The following RYR2 variants were observed in gnomAD, a reference collection of about 807,000 sequenced individuals.
RYR2 encodes the protein ryanodine receptor 2.
Under a neutral mutation model 601.1 loss-of-function variants are expected in RYR2, and 227 were observed. The ratio of observed to expected loss-of-function variants is 0.38; its 90% CI spans 0.34 to 0.42. RYR2 has a LOEUF of 0.42. Among genes scored for constraint, RYR2 ranks in the 10% least tolerant of loss-of-function variants. RYR2 has a pLI of 1.00. For missense variants in RYR2, 4,646 were observed against 6,156.5 expected, an observed-to-expected ratio of 0.75 and a Z score of 8.21; for synonymous variants, 2,223 against 2,175.1, an observed-to-expected ratio of 1.02 and a Z score of -0.61.
chr1:237,814,052 A>G (rs891107882), intron 100 of RYR2, among the ~76,000 whole-genome samples: 9 of 152,188 alleles, frequency 5.9e-5, no homozygotes, highest in Admixed American at 5.9e-4. Context: ...AAACTCCCAC[A>G]TGGGAATGGA....
intron 25 of RYR2, among the ~76,000 whole-genome samples, chr1:237,541,261 T>G (rs557806575): frequency 5.8e-4 from 89 of 152,328 alleles, no homozygotes; most frequent in South Asian, 4.6e-3. Context: ...TTAAATCCAA[T>G]GAGCCTTGTA....
chr1:237,419,916 G>C (rs1558787392), intron 11 of RYR2, among the ~76,000 whole-genome samples: 1 of 151,760 alleles, frequency 6.6e-6, no homozygotes, highest in East Asian at 1.9e-4. Context: ...TACTAATTTT[G>C]CATTATATTT....
intron 1 of RYR2, among the ~76,000 whole-genome samples, chr1:237,157,211 A>C (rs139363489): frequency 1.4e-5 from 2 of 146,546 alleles, no homozygotes; most frequent in South Asian, 2.2e-4. Flanking sequence ...CAGGAGAATC[A>C]CTTGAACCCA....
intron 1 of RYR2, among the ~76,000 whole-genome samples, chr1:237,229,130 A>G (rs1457378412): frequency 6.9e-6 from 1 of 145,106 alleles, no homozygotes. Context: ...GTAGCATCGC[A>G]TCTTCTCCAG....
chr1:237,506,613 G>A (rs948637177), intron 22 of RYR2, 97 bp from the exon 23 acceptor site: 4 of 721,836 alleles, frequency 5.5e-6, no homozygotes, highest in East Asian at 2.7e-5. Flanking sequence ...TGGTTTATGA[G>A]GCAGTTTTAT....
At chr1:237,294,412 T>C (rs1038536962) in intron 2 of RYR2, among the ~76,000 whole-genome samples, 2 of 151,974 alleles carry the variant, frequency 1.3e-5, no homozygotes, top group Non-Finnish European at 2.9e-5. Flanking sequence ...TCCTGATCTA[T>C]TCAGGATAGG....
At chr1:237,577,718 A>C (rs968819964) in intron 29 of RYR2, among the ~76,000 whole-genome samples, 3 of 152,156 alleles carry the variant, frequency 2.0e-5, no homozygotes, top group African/African-American at 7.2e-5. Flanking sequence ...TTTTAAAAGA[A>C]CCAACTAAAT....
chr1:237,059,338 A>C (rs1195428048), intron 1 of RYR2, among the ~76,000 whole-genome samples: 1 of 152,178 alleles, frequency 6.6e-6, no homozygotes, highest in Non-Finnish European at 1.5e-5. Flanking sequence ...GAATCTGATA[A>C]ATAAATCAAG....
intron 38 of RYR2, among the ~76,000 whole-genome samples, chr1:237,622,139 C>G (rs772463651): frequency 4.6e-5 from 7 of 151,866 alleles, no homozygotes; most frequent in African/African-American, 7.3e-5. Context: ...CACATAAATG[C>G]CAAAAAGAAA....
intron 97 of RYR2, 101 bp from the exon 98 acceptor site, chr1:237,801,755 A>C: frequency 1.6e-6 from 1 of 641,916 alleles, no homozygotes; most frequent in South Asian, 2.5e-5. Flanking sequence ...GAAGGTGTCC[A>C]AGTCTTGTCC....
At chr1:237,170,129 G>A (rs1677190787) in intron 1 of RYR2, among the ~76,000 whole-genome samples, 2 of 152,162 alleles carry the variant, frequency 1.3e-5, no homozygotes, top group African/African-American at 4.8e-5. Flanking sequence ...AGAAAAAAAA[G>A]AAAAACACAT....
intron 21 of RYR2, among the ~76,000 whole-genome samples, chr1:237,502,972 T>G (rs1401565382): frequency 6.6e-6 from 1 of 152,190 alleles, no homozygotes; most frequent in African/African-American, 2.4e-5. Context: ...GACCAGTTAT[T>G]ACGGACATGC....
At position 237,355,560 on chromosome 1, in the gene RYR2, CTG is replaced by C. The variant is rs749043074; in HGVS notation, c.274-403_274-402del. ...TTTACTTTAAGTGTCATGAGAGAAA[CTG>C]TAGTTAGACACTATGTCTCTAAATT... On this transcript the variant is annotated intron_variant, in intron 3 of 104. Coordinates refer to ENST00000366574, the MANE Select transcript of RYR2 (RefSeq NM_001035.3). Among the ~76,000 whole-genome samples the C allele has an allele frequency of 6.2e-4, 95 of 152,170 alleles. No individual in the cohort carries two copies. In the Middle Eastern group the frequency reaches 0.01, roughly 16 times the overall value.
chr1:237,352,713 C>T (rs573087631), intron 3 of RYR2: 7 of 235,350 alleles, frequency 3.0e-5, no homozygotes, highest in Non-Finnish European at 5.4e-5. Flanking sequence ...ACAATAAGAC[C>T]GTTGGGTATT....
At chr1:237,452,015 T>C (rs1184405957) in intron 14 of RYR2, among the ~76,000 whole-genome samples, 1 of 150,054 alleles carries the variant, frequency 6.7e-6, no homozygotes, top group Non-Finnish European at 1.5e-5. Context: ...TGTGTGTTTG[T>C]GTTGTCTTCA....
intron 27 of RYR2, among the ~76,000 whole-genome samples, chr1:237,564,671 A>T (rs1252828018): frequency 6.6e-6 from 1 of 152,204 alleles, no homozygotes; most frequent in Non-Finnish European, 1.5e-5. Context: ...TTTTCAAAAT[A>T]TATTTACTTA....
intron 13 of RYR2, among the ~76,000 whole-genome samples, chr1:237,442,508 G>C (rs1558825118): frequency 6.6e-6 from 1 of 151,808 alleles, no homozygotes; most frequent in Non-Finnish European, 1.5e-5. Flanking sequence ...ATAGCATTAA[G>C]GTAATTCTAT....
At chr1:237,152,395 G>A (rs1221377877) in intron 1 of RYR2, among the ~76,000 whole-genome samples, 2 of 152,156 alleles carry the variant, frequency 1.3e-5, no homozygotes, top group African/African-American at 2.4e-5. Context: ...GGTCAAATGG[G>A]ATTTCTGGTT....
At chr1:237,814,958 CTTTTT>C (rs1207413143) in intron 100 of RYR2, among the ~76,000 whole-genome samples, 5 of 122,616 alleles carry the variant, frequency 4.1e-5, no homozygotes, top group East Asian at 3.2e-4. Flanking sequence ...CTCCTTTTTT[CTTTTT>C]TCTTTTTTTT....
Sources: gnomAD v4.1 joint callset for allele counts (sites outside exome capture counted in the v4.1 genomes callset) on GRCh38, gnomAD v4.1.1 for gene constraint, MANE v1.5 for transcripts, NCBI Gene and HGNC (gene_info 2026-07-23, HGNC 2026-07-21) for gene names.